Variants in ARID1B observed in about 807,000 individuals in gnomAD.
ARID1B encodes the protein AT-rich interaction domain 1B.
A neutral mutation model predicts 212.3 loss-of-function variants in ARID1B; 30 were observed. The ratio of observed to expected loss-of-function variants is 0.14; its 90% CI spans 0.11 to 0.19. The LOEUF is 0.19. ARID1B is among the 10% of genes least tolerant of loss of function. The probability of loss-of-function intolerance (pLI) is 1.00; values close to 1 mark genes in which losing one functional copy is unlikely to be tolerated. For missense variants in ARID1B, 2,891 were observed against 3,204.0 expected, an observed-to-expected ratio of 0.90 and a Z score of 2.36; for synonymous variants, 1,402 against 1,301.7, an observed-to-expected ratio of 1.08 and a Z score of -1.66.
Position 156,779,491 on chromosome 6 carries a change from G to A in ARID1B, c.1791+20G>A. 7.5e-7 allele frequency: 1 copy of A among 1,337,062 alleles called. No homozygotes were observed. The highest frequency in any genetic ancestry group is 9.6e-7 in the Non-Finnish European group (1 of 1,041,330). 82.8% of individuals were successfully genotyped at this position (1,337,062 alleles called of 1,614,324 possible). A position where few individuals can be genotyped will look rare whatever the true frequency, so the allele number is the denominator to read the frequency against. On this transcript the variant is annotated intron_variant, in intron 1 of 19. Transcript: ENST00000636930. ...TCCCAGGTAACCCTCGCGCCAGCCGGGCCTGCTTCCGCCCGGCGGCCTCGC... is the reference window on the plus strand; with the variant it reads ...TCCCAGGTAACCCTCGCGCCAGCCGAGCCTGCTTCCGCCCGGCGGCCTCGC...
chr6:157,167,280 TG>T (rs1311532354), intron 9 of ARID1B, 95 bp downstream of exon 9: 37 of 1,444,886 alleles, frequency 2.6e-5, no homozygotes, highest in Non-Finnish European at 3.4e-5. Context: ...CCCGAGAAGG[TG>T]GATCAGTTGG....
At chr6:156,952,776 A>G (rs910880891) in intron 4 of ARID1B, among the ~76,000 whole-genome samples, 3 of 152,264 alleles carry the variant, frequency 2.0e-5, no homozygotes, top group Admixed American at 2.0e-4. Flanking sequence ...CAACAGAAAG[A>G]GAATTTAATG....
chr6:157,064,266 T>G (rs1214075215), intron 4 of ARID1B, among the ~76,000 whole-genome samples: 1 of 152,206 alleles, frequency 6.6e-6, no homozygotes, highest in Non-Finnish European at 1.5e-5. Flanking sequence ...TACTGCCTAT[T>G]TAGGAGTTGG....
intron 5 of ARID1B, among the ~76,000 whole-genome samples, chr6:157,091,618 T>A (rs1476066615): frequency 6.6e-6 from 1 of 152,178 alleles, no homozygotes; most frequent in Non-Finnish European, 1.5e-5. Context: ...CTGGTCTAAT[T>A]TGTCAAGATT....
chr6:156,950,763 A>T (rs1238281186), intron 4 of ARID1B, among the ~76,000 whole-genome samples: 1 of 152,214 alleles, frequency 6.6e-6, no homozygotes, highest in Non-Finnish European at 1.5e-5. Context: ...ACCGTTGCAA[A>T]TAGATTAATG....
chr6:156,991,864 T>C (rs1239317973), intron 4 of ARID1B, among the ~76,000 whole-genome samples: 1 of 152,208 alleles, frequency 6.6e-6, no homozygotes. Context: ...AATTTGCTTC[T>C]CCAGGACATG....
At chr6:156,860,250 T>C (rs1785234620) in intron 2 of ARID1B, among the ~76,000 whole-genome samples, 1 of 152,206 alleles carries the variant, frequency 6.6e-6, no homozygotes, top group Non-Finnish European at 1.5e-5. Flanking sequence ...AATAGTGCTT[T>C]ACAATTTTAT....
chr6:156,961,430 A>G lies in ARID1B; in HGVS notation c.2247+25854A>G, dbSNP rs1794366624. 3.3e-5 allele frequency among the ~76,000 whole-genome samples: 5 copies of G among 152,366 alleles called. No individual in the cohort carries two copies. In the South Asian group the frequency reaches 1.0e-3, roughly 32 times the overall value. The stretch of plus-strand genomic sequence containing the variant: ...AATGCCAACTTTGCCTCTTCCGGGC[A>G]GTGCTGTGGTGATGCAGCCTTGGGC... On this transcript the variant is annotated intron_variant, in intron 4 of 19. Transcript: ENST00000636930.
At chr6:157,127,483 C>T (rs867705430) in intron 6 of ARID1B, among the ~76,000 whole-genome samples, 3 of 151,732 alleles carry the variant, frequency 2.0e-5, no homozygotes, top group African/African-American at 4.8e-5. Context: ...GGTGAAATCC[C>T]GTCTCTATTA....
intron 2 of ARID1B, among the ~76,000 whole-genome samples, chr6:156,865,288 A>AT (rs1195581010): frequency 6.6e-6 from 1 of 152,156 alleles, no homozygotes; most frequent in Admixed American, 6.5e-5. Flanking sequence ...AAGATCTCAC[A>AT]TGTCTGAAAA....
At chr6:156,830,809 G>A (rs1260032143) in intron 2 of ARID1B, among the ~76,000 whole-genome samples, 1 of 151,996 alleles carries the variant, frequency 6.6e-6, no homozygotes, top group African/African-American at 2.4e-5. Flanking sequence ...GAAATAAAAT[G>A]TTGTCTTTCC....
intron 4 of ARID1B, among the ~76,000 whole-genome samples, chr6:157,003,542 T>TA (rs1779025943): frequency 6.6e-6 from 1 of 152,230 alleles, no homozygotes; most frequent in Admixed American, 6.5e-5. Flanking sequence ...GTCAGGGAGA[T>TA]ACCTGGTTTT....
intron 4 of ARID1B, among the ~76,000 whole-genome samples, chr6:157,082,359 G>A (rs1009191830): frequency 6.6e-6 from 1 of 152,158 alleles, no homozygotes; most frequent in African/African-American, 2.4e-5. Flanking sequence ...TGCAGCCCCT[G>A]TGGTCTCTGT....
intron 5 of ARID1B, among the ~76,000 whole-genome samples, chr6:157,092,573 A>G (rs1326074813): frequency 1.3e-5 from 2 of 152,224 alleles, no homozygotes; most frequent in African/African-American, 4.8e-5. Flanking sequence ...CAAAAGCACA[A>G]ATCTTTTCAA....
intron 4 of ARID1B, among the ~76,000 whole-genome samples, chr6:157,042,465 C>G (rs1781950874): frequency 6.6e-6 from 1 of 151,936 alleles, no homozygotes; most frequent in Non-Finnish European, 1.5e-5. Flanking sequence ...GAAGAAAACT[C>G]TGAATTTTAT....
intron 8 of ARID1B, among the ~76,000 whole-genome samples, chr6:157,154,304 T>A (rs1353640942): frequency 6.6e-6 from 1 of 152,146 alleles, no homozygotes; most frequent in African/African-American, 2.4e-5. Flanking sequence ...TTTGATCAAG[T>A]CTTGAGTGAC....
chr6:157,148,540 G>T lies in ARID1B; in HGVS notation c.2762-84G>T. The T allele has an allele frequency of 1.4e-6, 2 of 1,437,380 alleles. No individual in the cohort carries two copies. The highest frequency in any genetic ancestry group is 1.9e-6 in the Non-Finnish European group (2 of 1,056,106). 89.0% of individuals were successfully genotyped at this position (1,437,380 alleles called of 1,614,324 possible). On this transcript the variant is annotated intron_variant, in intron 7 of 19. Coordinates refer to ENST00000636930, the MANE Select transcript of ARID1B (RefSeq NM_001374828.1). The surrounding 1 kb of genome is among the most constrained non-coding windows in gnomAD (Gnocchi z 5.6). Reference sequence around the variant, plus strand: ...TCATGACTAATACTCCGTGCTGATCGCATTGTTGGACAAAAAGTATTTCCA... The same window carrying T: ...TCATGACTAATACTCCGTGCTGATCTCATTGTTGGACAAAAAGTATTTCCA...
At chr6:157,033,738 T>C (rs900707727) in intron 4 of ARID1B, among the ~76,000 whole-genome samples, 12 of 152,228 alleles carry the variant, frequency 7.9e-5, no homozygotes, top group African/African-American at 2.9e-4. Flanking sequence ...GACTGAACTT[T>C]CACAGAGCTC....
intron 4 of ARID1B, chr6:156,941,003 A>C (rs1792631415): frequency 6.6e-6 from 1 of 152,230 alleles, no homozygotes; most frequent in Non-Finnish European, 1.5e-5. Context: ...AATGGTTGTC[A>C]TTAAAAGGTT....
Sources: gnomAD v4.1 joint callset for allele counts (sites outside exome capture counted in the v4.1 genomes callset) on GRCh38, gnomAD v4.1.1 for gene constraint, Gnocchi (gnomAD v3.1) non-coding constraint, MANE v1.5 for transcripts, NCBI Gene and HGNC (gene_info 2026-07-23, HGNC 2026-07-21) for gene names.